The following ERAP1 variants were observed in gnomAD, a reference collection of about 807,000 sequenced individuals.
ERAP1 encodes endoplasmic reticulum aminopeptidase 1, also known as adipocyte-derived leucine aminopeptidase.
ERAP1 carries 86 observed loss-of-function variants against 103.7 expected under a neutral mutation model. That is an observed-to-expected ratio of 0.83 (90% CI 0.70 to 0.99). The LOEUF (loss-of-function observed/expected upper bound fraction) is 0.99, where lower values mean the gene tolerates loss of function less well. ERAP1 is among the 50% of genes least tolerant of loss of function. The probability of loss-of-function intolerance (pLI) is 0.00; values close to 1 mark genes in which losing one functional copy is unlikely to be tolerated. For missense variants in ERAP1, 1,009 were observed against 1,128.4 expected, an observed-to-expected ratio of 0.89 and a Z score of 1.52; for synonymous variants, 398 against 402.4, an observed-to-expected ratio of 0.99 and a Z score of 0.13.
chr5:96,808,010 G>T, upstream of ERAP1: 1 of 985,622 alleles, frequency 1.0e-6, no homozygotes, highest in Non-Finnish European at 1.2e-6. Flanking sequence ...CGGCAGGCGG[G>T]GAAGCCCCTG....
chr5:96,786,459 A>G lies in ERAP1; in HGVS notation c.1759+11T>C. On this transcript the variant is annotated intron_variant, in intron 12 of 18. Coordinates refer to ENST00000443439, the MANE Select transcript of ERAP1 (RefSeq NM_001040458.3). ...TCCTTGAATTAACTAGTAGTTTCCA[A>G]AATAAATTACCTGTTTTTGTTTTTA... 2 of 1,582,972 alleles carry G rather than the reference A, an allele frequency of 1.3e-6. No individual in the cohort carries two copies. Among genetic ancestry groups the G allele is most frequent in the Non-Finnish European group, 1.7e-6 (2 of 1,152,408 alleles).
the ERAP1 span, among the ~76,000 whole-genome samples, chr5:96,931,234 G>A: frequency 6.6e-6 from 1 of 151,384 alleles, no homozygotes; most frequent in African/African-American, 2.4e-5. Flanking sequence ...TTGGCTTGCT[G>A]CAGCCTCCAC....
At chr5:96,771,909 A>G (rs1772517865), downstream of ERAP1, 1 of 398,530 alleles carries the variant, frequency 2.5e-6, no homozygotes, top group Admixed American at 4.3e-5. Context: ...AATGTTTAAA[A>G]ACCTTAATCT....
At chr5:96,781,492 A>G (rs1427993211) in intron 16 of ERAP1, among the ~76,000 whole-genome samples, 4 of 152,168 alleles carry the variant, frequency 2.6e-5, no homozygotes, top group Non-Finnish European at 4.4e-5. Context: ...AAGATGCACA[A>G]ATGTATACAC....
At chr5:96,909,776 C>G in the ERAP1 span, 3 of 1,612,584 alleles carry the variant, frequency 1.9e-6, no homozygotes, top group Non-Finnish European at 2.5e-6. Context: ...TAGATGTAGA[C>G]TTCTGTCCTA....
At chr5:96,925,969 G>C in the ERAP1 span, among the ~76,000 whole-genome samples, 1 of 139,298 alleles carries the variant, frequency 7.2e-6, no homozygotes, top group East Asian at 2.1e-4. Flanking sequence ...GGGCTGCAGT[G>C]GCGTGATCTC....
At chr5:96,892,070 A>G in the ERAP1 span, among the ~76,000 whole-genome samples, 1 of 152,190 alleles carries the variant, frequency 6.6e-6, no homozygotes, top group African/African-American at 2.4e-5. Context: ...AAATGTCCAT[A>G]TGTTACTTCA....
the ERAP1 span, among the ~76,000 whole-genome samples, chr5:96,829,275 A>C: frequency 2.0e-5 from 3 of 152,228 alleles, no homozygotes; most frequent in African/African-American, 7.2e-5. Flanking sequence ...TTCATATACC[A>C]AGTAAAATTC....
chr5:96,776,872 A>AAAC (rs1341738495), intron 18 of ERAP1: 1 of 256,768 alleles, frequency 3.9e-6, no homozygotes, highest in African/African-American at 2.3e-5. Context: ...TCACAGATGC[A>AAAC]AACTTCGTTT....
the ERAP1 span, among the ~76,000 whole-genome samples, chr5:96,835,130 T>A: frequency 6.6e-6 from 1 of 152,250 alleles, no homozygotes; most frequent in African/African-American, 2.4e-5. Flanking sequence ...GGTAACACCA[T>A]GACACTGTCT....
chr5:96,910,108 T>A, the ERAP1 span: 1 of 186,774 alleles, frequency 5.4e-6, no homozygotes, highest in Non-Finnish European at 1.2e-5. Context: ...GCACTAAAAA[T>A]GCAAAAATTA....
chr5:96,878,665 C>T, the ERAP1 span, among the ~76,000 whole-genome samples: 5 of 152,196 alleles, frequency 3.3e-5, no homozygotes, highest in East Asian at 1.9e-4. Context: ...CAGTGACCCA[C>T]GCCTGTGATC....
At chr5:96,825,121 G>A in the ERAP1 span, among the ~76,000 whole-genome samples, 3 of 152,122 alleles carry the variant, frequency 2.0e-5, no homozygotes, top group Admixed American at 6.5e-5. Flanking sequence ...ATGAGGCCAG[G>A]ACTGTGTCTC....
At chr5:96,909,429 C>G in the ERAP1 span, 2 of 672,994 alleles carry the variant, frequency 3.0e-6, no homozygotes, top group Non-Finnish European at 5.1e-6. Context: ...TGGGTAACAG[C>G]CAGAAAAAGA....
At position 96,776,105 on chromosome 5, in the gene ERAP1, T is replaced by C; in HGVS notation, c.*291A>G. On this transcript the variant is annotated 3_prime_UTR_variant, in exon 19 of 19. Transcript: ENST00000443439. ...GTACAGGGTTTTGGACACGGGTGCT[T>C]AAGCATAAACTATAAAATGAGAAGA... 1 of 1,344,518 alleles carries C rather than the reference T, an allele frequency of 7.4e-7. No individual in the cohort carries two copies. Among genetic ancestry groups the C allele is most frequent in the Non-Finnish European group, 9.7e-7 (1 of 1,028,288 alleles). 83.3% of individuals were successfully genotyped at this position (1,344,518 alleles called of 1,614,324 possible).
chr5:96,865,858 A>G, the ERAP1 span, among the ~76,000 whole-genome samples: 5 of 152,204 alleles, frequency 3.3e-5, no homozygotes, highest in South Asian at 2.1e-4. Context: ...CAAGCGGTGC[A>G]ATACTGTCTT....
the ERAP1 span, chr5:96,896,991 G>T: frequency 2.9e-6 from 1 of 349,414 alleles, no homozygotes; most frequent in Non-Finnish European, 3.9e-6. Flanking sequence ...TGTTGTCATG[G>T]TCTATAGAAG....
rs35041937 is a variant in ERAP1, at chr5:96,794,171, C to CTTTTT, written c.920-219_920-215dup. ...GCAAAGTCAGACTTGCATCTCAGGC[C>CTTTTT]TTTTTTTTTTTTTTTTTTTTTTTTT... On this transcript the variant is annotated intron_variant, in intron 5 of 18. Transcript: ENST00000443439. Among the ~76,000 whole-genome samples the CTTTTT allele has an allele frequency of 3.6e-4, 25 of 68,738 alleles. 3 individuals carry two copies. The highest frequency in any genetic ancestry group is 1.0e-3 in the East Asian group (2 of 1,980). The allele number at this position is 68,738 out of a possible 152,430, so 45.1% of individuals were successfully genotyped here.
chr5:96,793,455 A>C lies in ERAP1; in HGVS notation c.1133T>G (p.Phe378Cys). ...AGACACAAACTCCATAAATTTGGCA[A>C]ATCCTTCATTTAGCCAAAGATCATT... ...WWNDLWLNEG[F>C]AKFMEFVSVS... The change falls in exon 7 of 19, where the codon TTT (phenylalanine) becomes TGT (cysteine). Residue 378 changes from phenylalanine to cysteine, a missense_variant. Transcript: ENST00000443439. The C allele has an allele frequency of 6.2e-7, 1 of 1,613,974 alleles. No homozygotes were observed. The highest frequency in any genetic ancestry group is 8.5e-7 in the Non-Finnish European group (1 of 1,179,904).
Sources: allele counts gnomAD v4.1 joint callset (sites outside exome capture counted in the v4.1 genomes callset), GRCh38; gene constraint gnomAD v4.1.1; transcripts MANE v1.5; gene names NCBI Gene and HGNC (gene_info 2026-07-23, HGNC 2026-07-21).